The following GPC3 variants were observed in gnomAD, a reference collection of about 807,000 sequenced individuals.
GPC3 encodes the protein glypican-3.
In GPC3, 3 loss-of-function variants were observed where a neutral mutation model predicts 34.4. The ratio of observed to expected loss-of-function variants is 0.09; its 90% CI spans 0.04 to 0.23. The LOEUF is 0.23. Ranked by LOEUF, GPC3 falls within the 10% of genes least tolerant of loss-of-function variation. The pLI is 1.00. For missense variants in GPC3, 351 were observed against 445.6 expected (o/e 0.79, Z 1.91); for synonymous variants, 177 against 174.0 (o/e 1.02, Z -0.13).
chrX:133,679,982 TAGA>T (rs2057979004), intron 5 of GPC3, among the ~76,000 whole-genome samples: 1 of 111,671 alleles, frequency 9.0e-6, no homozygotes, highest in Non-Finnish European at 1.9e-5. Flanking sequence ...AAGGAGCTAC[TAGA>T]AGATTACAGA....
At chrX:133,785,549 T>C (rs1398199634) in intron 2 of GPC3, among the ~76,000 whole-genome samples, 1 of 112,111 alleles carries the variant, frequency 8.9e-6, no homozygotes, top group Non-Finnish European at 1.9e-5. Context: ...AGCTTCGTAC[T>C]ATGCCAGGCA....
chrX:133,856,417 A>C (rs2075901695), intron 2 of GPC3, among the ~76,000 whole-genome samples: 1 of 111,190 alleles, frequency 9.0e-6, no homozygotes, highest in Non-Finnish European at 1.9e-5. Flanking sequence ...TTAAAAAAAA[A>C]TAAAAACATT....
At chrX:133,815,623 A>G (rs2075687921) in intron 2 of GPC3, among the ~76,000 whole-genome samples, 2 of 112,243 alleles carry the variant, frequency 1.8e-5, no homozygotes, top group African/African-American at 6.5e-5. Context: ...ACTCCTGCCA[A>G]TTTTTCAAGA....
chrX:133,717,434 C>T (rs1032019983), intron 3 of GPC3, among the ~76,000 whole-genome samples: 2 of 111,284 alleles, frequency 1.8e-5, no homozygotes, highest in African/African-American at 6.5e-5. Flanking sequence ...CACCCTGGTC[C>T]TGGTAGTTAA....
intron 1 of GPC3, among the ~76,000 whole-genome samples, chrX:133,975,809 T>C (rs2076512239): frequency 8.9e-6 from 1 of 112,233 alleles, no homozygotes; most frequent in Non-Finnish European, 1.9e-5. Flanking sequence ...ATAAAGTTCA[T>C]TATTAGTGAG....
Position 133,726,597 on chromosome X carries a change from C to T in GPC3, c.1033-26569G>A, listed in dbSNP as rs189693447. On this transcript the variant is annotated intron_variant, in intron 3 of 7. Transcript: ENST00000370818. ...CTCAACCTCTTCTTATGGAGTCCCT[C>T]TCAGCAGGCAGTCACTCTCTTATTA... Among the ~76,000 whole-genome samples, 748 of 111,257 alleles carry T rather than the reference C, an allele frequency of 6.7e-3. 2 individuals carry two copies. The highest frequency in any genetic ancestry group is 0.051 in the Middle Eastern group (11 of 217).
intron 3 of GPC3, among the ~76,000 whole-genome samples, chrX:133,721,723 A>C (rs1397619538): frequency 8.9e-6 from 1 of 111,759 alleles, no homozygotes; most frequent in African/African-American, 3.2e-5. Context: ...AAAAATCCCC[A>C]ACAGAATCCT....
At chrX:133,716,559 A>G (rs2071315408) in intron 3 of GPC3, among the ~76,000 whole-genome samples, 1 of 112,259 alleles carries the variant, frequency 8.9e-6, no homozygotes, top group Admixed American at 9.4e-5. Flanking sequence ...GGGGCTTAGC[A>G]GGAAATTTTA....
chrX:133,936,940 GA>G (rs1482578136), intron 2 of GPC3, among the ~76,000 whole-genome samples: 1 of 111,338 alleles, frequency 9.0e-6, no homozygotes, highest in Non-Finnish European at 1.9e-5. Flanking sequence ...TGGCGCCAAA[GA>G]AACTGTTTAA....
chrX:133,723,716 C>G (rs764503388), intron 3 of GPC3, among the ~76,000 whole-genome samples: 2 of 111,825 alleles, frequency 1.8e-5, no homozygotes, highest in Admixed American at 9.5e-5. Flanking sequence ...CTCCTGCTCT[C>G]TCTTTGCCTT....
At chrX:133,647,556 G>A (rs1379684816) in intron 6 of GPC3, among the ~76,000 whole-genome samples, 1 of 112,597 alleles carries the variant, frequency 8.9e-6, no homozygotes. Context: ...GCTATAAGGA[G>A]CTGCCATAAT....
At chrX:133,867,933 A>C (rs1452314581) in intron 2 of GPC3, among the ~76,000 whole-genome samples, 1 of 108,469 alleles carries the variant, frequency 9.2e-6, no homozygotes, top group African/African-American at 3.4e-5. Context: ...AACTCCAGGG[A>C]AGATCATCTT....
intron 6 of GPC3, among the ~76,000 whole-genome samples, chrX:133,658,405 C>T (rs746429369): frequency 9.0e-6 from 1 of 111,355 alleles, no homozygotes; most frequent in Non-Finnish European, 1.9e-5. Flanking sequence ...GATTTTTTTC[C>T]TAAGCAGTTA....
intron 7 of GPC3, among the ~76,000 whole-genome samples, chrX:133,537,777 GTT>G (rs1044653928): frequency 6.3e-5 from 7 of 111,259 alleles, no homozygotes; most frequent in Non-Finnish European, 1.3e-4. Flanking sequence ...CTTTTCCTAT[GTT>G]TTAGTTTACT....
chrX:133,565,478 G>C (rs2069574126), intron 7 of GPC3, among the ~76,000 whole-genome samples: 1 of 112,059 alleles, frequency 8.9e-6, no homozygotes, highest in African/African-American at 3.2e-5. Flanking sequence ...ACTGTGCTAG[G>C]CATGAAGGAG....
chrX:133,909,299 C>G (rs1042734352), intron 2 of GPC3, among the ~76,000 whole-genome samples: 3 of 112,216 alleles, frequency 2.7e-5, no homozygotes, highest in African/African-American at 9.7e-5. Context: ...AATCTATGCA[C>G]AAGGATATTA....
At chrX:133,861,677 C>T (rs1839114169) in intron 2 of GPC3, among the ~76,000 whole-genome samples, 1 of 111,019 alleles carries the variant, frequency 9.0e-6, no homozygotes, top group Admixed American at 9.6e-5. Flanking sequence ...GGACACATCC[C>T]TCAATGGCTT....
At chrX:133,887,753 A>T (rs1367149409) in intron 2 of GPC3, among the ~76,000 whole-genome samples, 1 of 111,417 alleles carries the variant, frequency 9.0e-6, no homozygotes, top group Non-Finnish European at 1.9e-5. Flanking sequence ...TTTTCTCCCA[A>T]TCTGTAGGTT....
intron 6 of GPC3, among the ~76,000 whole-genome samples, chrX:133,609,873 T>C (rs1423304105): frequency 8.9e-6 from 1 of 112,476 alleles, no homozygotes; most frequent in African/African-American, 3.2e-5. Context: ...GCTGATTTAG[T>C]GTATCTATAT....
Sources: gnomAD v4.1 joint callset for allele counts (sites outside exome capture counted in the v4.1 genomes callset) on GRCh38, gnomAD v4.1.1 for gene constraint, MANE v1.5 for transcripts, NCBI Gene and HGNC (gene_info 2026-07-23, HGNC 2026-07-21) for gene names.